The following GCA variants were observed in gnomAD, a reference collection of about 807,000 sequenced individuals.
The protein encoded by GCA is grancalcin, EF-hand calcium-binding protein.
Under a neutral mutation model 32.6 loss-of-function variants are expected in GCA, and 30 were observed. The observed-to-expected ratio is 0.92, with a 90% CI of 0.69 to 1.25. The LOEUF (loss-of-function observed/expected upper bound fraction) is 1.25, where lower values mean the gene tolerates loss of function less well. Among genes scored for constraint, GCA ranks in the 50% most tolerant of loss-of-function variants. GCA has a pLI of 0.00. For synonymous variants in GCA, 102 were observed against 84.6 expected (o/e 1.21, Z -1.13); for missense variants, 291 against 266.8 (o/e 1.09, Z -0.63).
In GCA at chr2:162,360,558, C is replaced by T. The variant is rs945815258; in HGVS notation, c.*315C>T. 2 of 1,078,600 alleles carry T rather than the reference C, an allele frequency of 1.9e-6. No homozygotes were observed. Among genetic ancestry groups the T allele is most frequent in the South Asian group, 3.6e-5 (1 of 27,442 alleles). 66.8% of individuals were successfully genotyped at this position (1,078,600 alleles called of 1,614,324 possible). A position where few individuals can be genotyped will look rare whatever the true frequency, so the allele number is the denominator to read the frequency against. On this transcript the variant is annotated 3_prime_UTR_variant, in exon 8 of 8. Transcript: ENST00000437150. Reference sequence around the variant, plus strand: ...TGTAAATTTAGAGGAATGTACTTTACAAGATAGATTGTATAAGAAGCCAAA... The same window carrying T: ...TGTAAATTTAGAGGAATGTACTTTATAAGATAGATTGTATAAGAAGCCAAA...
chr2:162,341,883 G>A (rs549352798), upstream of GCA, among the ~76,000 whole-genome samples: 1 of 152,304 alleles, frequency 6.6e-6, no homozygotes, highest in Non-Finnish European at 1.5e-5. Flanking sequence ...CATTTGTAAA[G>A]TGGGAATAAT....
exon 5 of GCA, chr2:162,371,478 G>A: frequency 8.0e-7 from 1 of 1,254,840 alleles, no homozygotes; most frequent in Non-Finnish European, 1.0e-6. Flanking sequence ...TATTTGCGTG[G>A]AAGGCATTTT....
At chr2:162,352,671 A>G (rs1685062751) in intron 3 of GCA, among the ~76,000 whole-genome samples, 1 of 152,150 alleles carries the variant, frequency 6.6e-6, no homozygotes, top group East Asian at 1.9e-4. Flanking sequence ...ATTTCAAGAT[A>G]GAATATTTTT....
intron 5 of GCA, among the ~76,000 whole-genome samples, chr2:162,358,498 GTTA>G (rs1249624920): frequency 1.3e-5 from 2 of 151,334 alleles, no homozygotes; most frequent in Admixed American, 6.6e-5. Flanking sequence ...CGAGAAAGCT[GTTA>G]TTATTATTAC....
chr2:162,344,808 C>T (rs1471135912), intron 1 of GCA, among the ~76,000 whole-genome samples: 1 of 152,136 alleles, frequency 6.6e-6, no homozygotes, highest in Non-Finnish European at 1.5e-5. Context: ...AACTTTTATC[C>T]TGCATCACCT....
At chr2:162,323,213 C>A (rs1296458336) in intron 1 of GCA, among the ~76,000 whole-genome samples, 1 of 151,946 alleles carries the variant, frequency 6.6e-6, no homozygotes, top group East Asian at 1.9e-4. Context: ...CTTCTTTTGA[C>A]AAGTGTCTGT....
In GCA at chr2:162,362,636, T is replaced by C; in HGVS notation, c.*2393T>C. On this transcript the variant is annotated 3_prime_UTR_variant, in exon 8 of 8. Transcript: ENST00000437150. ...TAATAAACATTCAAATAGCTTGCTGTAAAGTTTTGTATCATACAAAATCTG... is the reference window on the plus strand; with the variant it reads ...TAATAAACATTCAAATAGCTTGCTGCAAAGTTTTGTATCATACAAAATCTG... 1.2e-6 allele frequency: 1 copy of C among 839,184 alleles called. No individual in the cohort carries two copies. Among genetic ancestry groups the C allele is most frequent in the Non-Finnish European group, 1.4e-6 (1 of 696,808 alleles). 52.0% of individuals were successfully genotyped at this position (839,184 alleles called of 1,614,324 possible).
intron 2 of GCA, among the ~76,000 whole-genome samples, chr2:162,351,989 G>A (rs1298132030): frequency 1.3e-5 from 2 of 151,984 alleles, no homozygotes; most frequent in East Asian, 1.9e-4. Context: ...AGCATGAGTG[G>A]GGATGTTTTC....
At chr2:162,351,440 T>C (rs1684995013) in intron 2 of GCA, among the ~76,000 whole-genome samples, 1 of 152,226 alleles carries the variant, frequency 6.6e-6, no homozygotes, top group Admixed American at 6.5e-5. Flanking sequence ...TTTCTACCGC[T>C]AATGCTACCT....
downstream of GCA, among the ~76,000 whole-genome samples, chr2:162,365,197 A>G (rs1685714255): frequency 6.6e-6 from 1 of 151,406 alleles, no homozygotes; most frequent in Non-Finnish European, 1.5e-5. Context: ...AAATTCTTGA[A>G]TTTTTCATGT....
intron 1 of GCA, among the ~76,000 whole-genome samples, chr2:162,323,976 T>C (rs953193375): frequency 1.3e-5 from 2 of 152,128 alleles, no homozygotes; most frequent in African/African-American, 2.4e-5. Flanking sequence ...GGGGATGGCA[T>C]TGAATCTGTA....
upstream of GCA, among the ~76,000 whole-genome samples, chr2:162,339,956 A>G (rs1349347690): frequency 6.6e-6 from 1 of 152,246 alleles, no homozygotes; most frequent in African/African-American, 2.4e-5. Flanking sequence ...TATTTTCCAT[A>G]TGCAATTGGC....
chr2:162,345,496 A>G (rs190364541), intron 1 of GCA, among the ~76,000 whole-genome samples: 7 of 152,262 alleles, frequency 4.6e-5, no homozygotes, highest in African/African-American at 1.7e-4. Context: ...TGAGGTGGCA[A>G]GAGTAATACA....
chr2:162,355,818 A>C (rs950478085), intron 3 of GCA, among the ~76,000 whole-genome samples: 2 of 151,674 alleles, frequency 1.3e-5, no homozygotes, highest in Non-Finnish European at 2.9e-5. Flanking sequence ...CTATTACAAT[A>C]AATTACCAAT....
intron 3 of GCA, among the ~76,000 whole-genome samples, chr2:162,355,287 C>T (rs1685210243): frequency 6.6e-6 from 1 of 152,012 alleles, no homozygotes; most frequent in African/African-American, 2.4e-5. Flanking sequence ...ATTGAGTTGT[C>T]AATTTGAAAA....
At chr2:162,371,087 G>A (rs938337568) in intron 4 of GCA, among the ~76,000 whole-genome samples, 5 of 151,896 alleles carry the variant, frequency 3.3e-5, no homozygotes, top group African/African-American at 7.3e-5. Context: ...ACCATCCCCC[G>A]CCTCCAGAAA....
chr2:162,353,958 G>T (rs1260393949), intron 3 of GCA, among the ~76,000 whole-genome samples: 1 of 151,092 alleles, frequency 6.6e-6, no homozygotes, highest in East Asian at 1.9e-4. Context: ...ACCTTCTATT[G>T]AGTCTTTCAT....
At chr2:162,360,138 C>A (rs2105353711) in intron 7 of GCA, 79 bp from the exon 8 acceptor site, 1 of 856,616 alleles carries the variant, frequency 1.2e-6, no homozygotes, top group South Asian at 1.6e-5. Context: ...TAAGAAAATG[C>A]TCTTATGGAA....
chr2:162,367,783 G>C (rs1304831946), downstream of GCA, among the ~76,000 whole-genome samples: 1 of 152,028 alleles, frequency 6.6e-6, no homozygotes, highest in Non-Finnish European at 1.5e-5. Flanking sequence ...CGAGAAACAA[G>C]GAACTCAGCA....
Sources: allele counts gnomAD v4.1 joint callset (sites outside exome capture counted in the v4.1 genomes callset), GRCh38; gene constraint gnomAD v4.1.1; transcripts MANE v1.5; gene names NCBI Gene and HGNC (gene_info 2026-07-23, HGNC 2026-07-21).